Variants in SQLE observed in about 807,000 individuals in gnomAD.
The protein encoded by SQLE is squalene epoxidase.
A neutral mutation model predicts 60.7 loss-of-function variants in SQLE; 29 were observed. The observed-to-expected ratio is 0.48, with a 90% confidence interval of 0.36 to 0.65. The LOEUF (loss-of-function observed/expected upper bound fraction) is 0.65. SQLE is among the 30% of genes least tolerant of loss of function. SQLE has a pLI of 0.00. For synonymous variants in SQLE, 237 were observed against 246.8 expected (o/e 0.96, Z 0.37); for missense variants, 605 against 684.1 (o/e 0.88, Z 1.29).
chr8:125,005,821 T>C, intron 3 of SQLE, 116 bp downstream of exon 3: 1 of 736,790 alleles, frequency 1.4e-6, no homozygotes, highest in East Asian at 3.2e-5. Context: ...GTCTAGAACA[T>C]ATGTATATTA....
At chr8:125,007,194 CTAA>C (rs1814966158) in intron 3 of SQLE, among the ~76,000 whole-genome samples, 194 bp from the exon 4 acceptor site, 2 of 151,932 alleles carry the variant, frequency 1.3e-5, no homozygotes, top group South Asian at 4.2e-4. Flanking sequence ...TTAATGATTA[CTAA>C]TGATTACTAA....
Position 125,014,268 on chromosome 8 carries a change from GC to G in SQLE, c.1204+2638del, listed in dbSNP as rs1815079586. On this transcript the variant is annotated intron_variant, in intron 7 of 10. Coordinates refer to ENST00000265896, the MANE Select transcript of SQLE (RefSeq NM_003129.4). Reference sequence around the variant, plus strand: ...CCAGGTTTCTGGCTTAGATAGTTTTGCCAGCCATTTGCTGACATAGGAACAG... The same window carrying G: ...CCAGGTTTCTGGCTTAGATAGTTTTGCAGCCATTTGCTGACATAGGAACAG... Among the ~76,000 whole-genome samples the G allele has an allele frequency of 3.9e-5, 6 of 152,214 alleles. No individual in the cohort carries two copies. The South Asian group carries it at 1.2e-3, about 32-fold the overall frequency.
chr8:125,018,938 A>G, intron 9 of SQLE: 1 of 510,456 alleles, frequency 2.0e-6, no homozygotes, highest in East Asian at 3.7e-5. Flanking sequence ...GACAACATTA[A>G]TAGCAATGCC....
chr8:124,999,752 A>C, intron 1 of SQLE, 58 bp downstream of exon 1: 1 of 1,502,878 alleles, frequency 6.7e-7, no homozygotes, highest in East Asian at 2.3e-5. Context: ...GATTGGGTTC[A>C]CTCAAATATA....
intron 9 of SQLE, chr8:125,019,104 G>A (rs1029252981): frequency 2.2e-5 from 4 of 179,362 alleles, no homozygotes; most frequent in Admixed American, 6.4e-5. Flanking sequence ...TCTTTTTAAA[G>A]TAGTATTTTA....
chr8:125,020,685 C>T, intron 9 of SQLE, 99 bp from the exon 10 acceptor site: 1 of 717,484 alleles, frequency 1.4e-6, no homozygotes, highest in East Asian at 2.8e-5. Context: ...AAATTATCTG[C>T]AAGATGTAGC....
chr8:125,013,382 C>T (rs1271217464), intron 7 of SQLE, among the ~76,000 whole-genome samples: 5 of 94,874 alleles, frequency 5.3e-5, no homozygotes, highest in African/African-American at 3.3e-4. Context: ...GATGGAGTTT[C>T]GCTCTTGTCG....
intron 6 of SQLE, among the ~76,000 whole-genome samples, chr8:125,009,903 ATCTGAC>A (rs993339365): frequency 5.3e-5 from 8 of 152,232 alleles, no homozygotes; most frequent in Admixed American, 4.6e-4. Context: ...CTGGACACGA[ATCTGAC>A]TCTGAATTCT....
intron 8 of SQLE, 112 bp from the exon 9 acceptor site, chr8:125,018,517 AAT>A: frequency 1.4e-6 from 1 of 710,316 alleles, no homozygotes; most frequent in Non-Finnish European, 2.3e-6. Context: ...AACATAAGGC[AAT>A]ATTACTTGCA....
intron 7 of SQLE, among the ~76,000 whole-genome samples, chr8:125,012,504 T>C (rs1815052910): frequency 6.6e-6 from 1 of 152,256 alleles, no homozygotes; most frequent in Non-Finnish European, 1.5e-5. Context: ...CCTAAAGGCA[T>C]TGTATAGTAA....
intron 8 of SQLE, 59 bp downstream of exon 8, chr8:125,018,260 A>G (rs1815142265): frequency 1.9e-6 from 3 of 1,562,834 alleles, no homozygotes; most frequent in African/African-American, 2.7e-5. Flanking sequence ...GGGGGTTAAG[A>G]GCAGTGGGGC....
chr8:125,013,748 G>C (rs1815073088), intron 7 of SQLE, among the ~76,000 whole-genome samples: 1 of 152,112 alleles, frequency 6.6e-6, no homozygotes, highest in South Asian at 2.1e-4. Context: ...TCTGTTGAGA[G>C]GAAGGGGTCC....
chr8:125,011,289 T>A, intron 6 of SQLE: 1 of 270,582 alleles, frequency 3.7e-6, no homozygotes, highest in Non-Finnish European at 6.9e-6. Flanking sequence ...GTTTTTTCAT[T>A]CAGTTGTATG....
chr8:125,006,402 C>T lies in SQLE; in HGVS notation c.725+697C>T, dbSNP rs1011790021. ...TTGGGAGGCTGAGGTGGGCAGATCA[C>T]GAGGTCAGGAGTTCAAAACCAGCCT... On this transcript the variant is annotated intron_variant, in intron 3 of 10. Transcript: ENST00000265896. Among the ~76,000 whole-genome samples the T allele has an allele frequency of 3.3e-5, 5 of 152,012 alleles. No homozygotes were observed. In the South Asian group the frequency reaches 8.3e-4, roughly 25 times the overall value.
rs188271111 is a variant in SQLE, at chr8:125,016,356, C to G, written c.1205-1703C>G. 6.6e-6 allele frequency among the ~76,000 whole-genome samples: 1 copy of G among 152,034 alleles called. No homozygotes were observed. Among genetic ancestry groups the G allele is most frequent in the East Asian group, 1.9e-4 (1 of 5,164 alleles). ...TAGCCTGTTTTCAAGCTTACTAATTCTTTCTTCTGCTTGATCAGTTCTACT... is the reference window on the plus strand; with the variant it reads ...TAGCCTGTTTTCAAGCTTACTAATTGTTTCTTCTGCTTGATCAGTTCTACT... On this transcript the variant is annotated intron_variant, in intron 7 of 10. Coordinates refer to ENST00000265896, the MANE Select transcript of SQLE (RefSeq NM_003129.4). This position sits in a 1 kb window ranked among gnomAD's most constrained non-coding sequence, Gnocchi z 4.1.
chr8:125,010,834 G>A (rs950610497), intron 6 of SQLE: 1 of 150,736 alleles, frequency 6.6e-6, no homozygotes, highest in Non-Finnish European at 1.5e-5. Flanking sequence ...CTGAAATTAT[G>A]GAGAGAAACC....
Position 125,005,542 on chromosome 8 carries a change from G to T in SQLE, c.562G>T (p.Asp188Tyr). Residue 188 changes from aspartate to tyrosine, a missense_variant, in exon 3 of 11, where the codon GAT (aspartate) becomes TAT (tyrosine). Transcript: ENST00000265896. ...LGLGDTVEGL[D>Y]AQVVNGYMIH... ...CTTTGCAGATACAGTGGAAGGTCTT[G>T]ATGCCCAGGTTGTAAATGGTTACAT... The T allele has an allele frequency of 6.2e-7, 1 of 1,602,202 alleles. No individual in the cohort carries two copies. Among genetic ancestry groups the T allele is most frequent in the East Asian group, 2.2e-5 (1 of 44,480 alleles).
intron 6 of SQLE, among the ~76,000 whole-genome samples, chr8:125,010,508 G>GT (rs959782656): frequency 4.6e-5 from 7 of 151,686 alleles, no homozygotes; most frequent in African/African-American, 1.2e-4. Context: ...TAAATATTCC[G>GT]TTTTTTTCAA....
chr8:125,011,396 C>T (rs3750234), intron 6 of SQLE, 141 bp from the exon 7 acceptor site: 162,518 of 547,820 alleles, frequency 0.3, 26,817 homozygotes, highest in African/African-American at 0.52. Flanking sequence ...ATAATTAGTT[C>T]TTGATTTATC....
Sources: gnomAD v4.1 joint callset for allele counts (sites outside exome capture counted in the v4.1 genomes callset) on GRCh38, gnomAD v4.1.1 for gene constraint, Gnocchi (gnomAD v3.1) non-coding constraint, MANE v1.5 for transcripts, NCBI Gene and HGNC (gene_info 2026-07-23, HGNC 2026-07-21) for gene names.